LGSN: variants seen among roughly 807,000 people sequenced by gnomAD.
LGSN encodes the protein lengsin, lens protein with glutamine synthetase domain.
In LGSN, 21 loss-of-function variants were observed where a neutral mutation model predicts 19.5. The observed-to-expected ratio is 1.07, with a 90% CI of 0.76 to 1.55. LGSN has a LOEUF of 1.55. Ranked by LOEUF, LGSN falls within the 40% of genes most tolerant of loss-of-function variation. The pLI is 0.00. For missense variants in LGSN, 673 were observed against 608.5 expected (o/e 1.11, Z -1.12); for synonymous variants, 257 against 215.6 (o/e 1.19, Z -1.68).
chr6:63,281,791 C>T (rs1351107878), intron 3 of LGSN, among the ~76,000 whole-genome samples: 2 of 152,188 alleles, frequency 1.3e-5, no homozygotes, highest in Non-Finnish European at 2.9e-5. Context: ...CTGCATTCCT[C>T]TCTTTATTCA....
At chr6:63,530,079 C>G in the LGSN span, among the ~76,000 whole-genome samples, 1 of 151,954 alleles carries the variant, frequency 6.6e-6, no homozygotes, top group Non-Finnish European at 1.5e-5. Flanking sequence ...AGGATAATAA[C>G]AGTATAGATT....
chr6:63,371,076 A>G, the LGSN span, among the ~76,000 whole-genome samples: 4 of 152,168 alleles, frequency 2.6e-5, no homozygotes, highest in Non-Finnish European at 4.4e-5. Context: ...TAATTTCTCA[A>G]AATGTTAGTT....
the LGSN span, among the ~76,000 whole-genome samples, chr6:63,417,530 G>C: frequency 6.6e-6 from 1 of 152,056 alleles, no homozygotes; most frequent in Non-Finnish European, 1.5e-5. Flanking sequence ...TTTACATTTT[G>C]TTATTAATTC....
chr6:63,449,744 T>C, the LGSN span, among the ~76,000 whole-genome samples: 126 of 152,222 alleles, frequency 8.3e-4, 1 homozygote, highest in Admixed American at 4.6e-3. Context: ...CAGTCGTAGG[T>C]AGTTTCAGGA....
At chr6:63,310,243 T>A (rs565790347) in intron 1 of LGSN, among the ~76,000 whole-genome samples, 4 of 152,340 alleles carry the variant, frequency 2.6e-5, no homozygotes, top group Admixed American at 2.6e-4. Flanking sequence ...TGGTTTGATG[T>A]AGCCATCCAT....
chr6:63,470,274 C>T, the LGSN span, among the ~76,000 whole-genome samples: 33 of 151,850 alleles, frequency 2.2e-4, no homozygotes, highest in Middle Eastern at 3.4e-3. Flanking sequence ...TCAAGACCAA[C>T]CTGACTAACG....
At chr6:63,453,902 T>C in the LGSN span, among the ~76,000 whole-genome samples, 68,085 of 151,938 alleles carry the variant, frequency 0.45, 16,874 homozygotes, top group Non-Finnish European at 0.56. Context: ...GTGATCCACC[T>C]GCCTCGGCCT....
At chr6:63,501,362 C>A in the LGSN span, among the ~76,000 whole-genome samples, 98 of 133,852 alleles carry the variant, frequency 7.3e-4, no homozygotes, top group Admixed American at 8.3e-4. Flanking sequence ...AACTTCGTCT[C>A]AAAAAAAAAA....
the LGSN span, among the ~76,000 whole-genome samples, chr6:63,478,066 A>G: frequency 6.6e-6 from 1 of 152,034 alleles, no homozygotes; most frequent in Non-Finnish European, 1.5e-5. Context: ...ATATCAAGGG[A>G]AAAAACAAAA....
the LGSN span, among the ~76,000 whole-genome samples, chr6:63,362,006 G>T: frequency 1.3e-5 from 2 of 152,168 alleles, no homozygotes; most frequent in African/African-American, 2.4e-5. Flanking sequence ...AACTATTTGT[G>T]TTGACAGAGT....
chr6:63,365,776 G>T, the LGSN span, among the ~76,000 whole-genome samples: 1 of 152,152 alleles, frequency 6.6e-6, no homozygotes, highest in Admixed American at 6.5e-5. Context: ...TGCAAGGCTG[G>T]TTCAACATAT....
the LGSN span, among the ~76,000 whole-genome samples, chr6:63,453,349 T>C: frequency 6.6e-6 from 1 of 152,194 alleles, no homozygotes; most frequent in Non-Finnish European, 1.5e-5. Flanking sequence ...CTATGTGTTC[T>C]ATTAGTTACT....
the LGSN span, among the ~76,000 whole-genome samples, chr6:63,430,131 T>C: frequency 1.3e-5 from 2 of 152,182 alleles, no homozygotes; most frequent in East Asian, 3.9e-4. Flanking sequence ...AGGGTGTGTG[T>C]TGAGTGAAAT....
At chr6:63,347,981 T>G in the LGSN span, among the ~76,000 whole-genome samples, 2 of 152,212 alleles carry the variant, frequency 1.3e-5, no homozygotes, top group Non-Finnish European at 2.9e-5. Context: ...AGTCTGCTTC[T>G]AGCTCTTGAA....
chr6:63,358,949 G>A, the LGSN span, among the ~76,000 whole-genome samples: 1 of 152,160 alleles, frequency 6.6e-6, no homozygotes, highest in Admixed American at 6.5e-5. Flanking sequence ...TGTCCATTCA[G>A]TATGATATTG....
At chr6:63,405,622 T>A in the LGSN span, among the ~76,000 whole-genome samples, 1 of 152,198 alleles carries the variant, frequency 6.6e-6, no homozygotes, top group African/African-American at 2.4e-5. Context: ...AAGTGTCTGT[T>A]CATGTCCTTC....
intron 1 of LGSN, among the ~76,000 whole-genome samples, chr6:63,299,927 G>A (rs7758304): frequency 4.6e-5 from 7 of 152,074 alleles, no homozygotes; most frequent in Non-Finnish European, 8.8e-5. Flanking sequence ...ATTTTGATAC[G>A]TGCTTGATTG....
the LGSN span, among the ~76,000 whole-genome samples, chr6:63,510,507 A>G: frequency 8.2e-6 from 1 of 122,426 alleles, no homozygotes; most frequent in Admixed American, 8.5e-5. Context: ...ACTCCTCAGT[A>G]TTTAATATTT....
At chr6:63,569,472 G>T in the LGSN span, among the ~76,000 whole-genome samples, 1 of 152,122 alleles carries the variant, frequency 6.6e-6, no homozygotes, top group East Asian at 1.9e-4. Context: ...GACCAGGCTG[G>T]TCTTGAACTC....
Sources: gnomAD v4.1 joint callset for allele counts (sites outside exome capture counted in the v4.1 genomes callset) on GRCh38, gnomAD v4.1.1 for gene constraint, MANE v1.5 for transcripts, NCBI Gene and HGNC (gene_info 2026-07-23, HGNC 2026-07-21) for gene names.